Variants in IFFO1 observed in about 807,000 individuals in gnomAD.
The protein encoded by IFFO1 is non-homologous end joining factor IFFO1.
Under a neutral mutation model 59.6 loss-of-function variants are expected in IFFO1, and 42 were observed. The observed-to-expected ratio is 0.70, with a 90% CI of 0.55 to 0.91. The LOEUF (loss-of-function observed/expected upper bound fraction) is 0.91. IFFO1 is among the 40% of genes least tolerant of loss of function. IFFO1 has a pLI of 0.00. For missense variants in IFFO1, 711 were observed against 793.2 expected, an observed-to-expected ratio of 0.90 and a Z score of 1.24; for synonymous variants, 336 against 342.8, an observed-to-expected ratio of 0.98 and a Z score of 0.22.
chr12:6,544,399 C>A (rs1475939193), intron 8 of IFFO1, among the ~76,000 whole-genome samples: 3 of 152,172 alleles, frequency 2.0e-5, no homozygotes, highest in African/African-American at 7.2e-5. Flanking sequence ...ACACTCCTGA[C>A]CTCAAGTGAT....
Position 6,555,910 on chromosome 12 carries a change from C to T in IFFO1, c.120G>A (p.Pro40=), listed in dbSNP as rs1270150322. 7 of 1,553,570 alleles carry T rather than the reference C, an allele frequency of 4.5e-6. No individual in the cohort carries two copies. The highest frequency in any genetic ancestry group is 3.5e-5 in the South Asian group (3 of 86,340). ...CAGGGCCGGCCGGCGAGAGAGGCGC[C>T]GGGGGCAAGTCTCCTCCCCCGGCGA... The part of the protein sequence containing the change: ...DHFAGGGDLP[P]APLSPAGPAA... Residue 40 remains proline (P), a synonymous_variant, in exon 1 of 10, where the codon CCG becomes CCA. Transcript: ENST00000619571. The surrounding 1 kb of genome is among the most constrained non-coding windows in gnomAD (Gnocchi z 8.6).
At position 6,548,944 on chromosome 12, in the gene IFFO1, A is replaced by G. The variant is rs1947105240; in HGVS notation, c.1081-95T>C. The G allele has an allele frequency of 1.0e-6, 1 of 992,036 alleles. No homozygotes were observed. Among genetic ancestry groups the G allele is most frequent in the Non-Finnish European group, 1.5e-6 (1 of 673,812 alleles). 61.5% of individuals were successfully genotyped at this position (992,036 alleles called of 1,614,324 possible). A position where few individuals can be genotyped will look rare whatever the true frequency, so the allele number is the denominator to read the frequency against. On this transcript the variant is annotated intron_variant, in intron 5 of 9. Coordinates refer to ENST00000619571, the MANE Select transcript of IFFO1 (RefSeq NM_001193457.2). The surrounding 1 kb of genome is among the most constrained non-coding windows in gnomAD (Gnocchi z 6.1). The stretch of plus-strand genomic sequence containing the variant: ...TGGGGGAGAAGCATGAACCAGTAGG[A>G]AGGGGGGGCAGACAGAGAGAAAAGT...
Position 6,548,290 on chromosome 12 carries a change from G to T in IFFO1, c.1384-130C>A. On this transcript the variant is annotated intron_variant, in intron 7 of 9. Coordinates refer to ENST00000619571, the MANE Select transcript of IFFO1 (RefSeq NM_001193457.2). The surrounding 1 kb of genome is among the most constrained non-coding windows in gnomAD (Gnocchi z 6.1). ...AGAAACTGGAGAAAGAAAAGCAAAA[G>T]GATAAAGGAAGAGGGGAGACGCAGG... 1 of 1,338,740 alleles carries T rather than the reference G, an allele frequency of 7.5e-7. No homozygotes were observed. 82.9% of individuals were successfully genotyped at this position (1,338,740 alleles called of 1,614,324 possible).
intron 8 of IFFO1, among the ~76,000 whole-genome samples, chr12:6,545,248 G>T (rs934639090): frequency 1.3e-5 from 2 of 151,940 alleles, no homozygotes; most frequent in Non-Finnish European, 2.9e-5. Context: ...TAAATGAAAA[G>T]AATAAAGTCA....
chr12:6,547,075 T>C (rs1946999664), intron 8 of IFFO1, among the ~76,000 whole-genome samples: 1 of 152,124 alleles, frequency 6.6e-6, no homozygotes, highest in Non-Finnish European at 1.5e-5. Flanking sequence ...TCTGATCTTC[T>C]AAACAACCCT....
At position 6,548,405 on chromosome 12, in the gene IFFO1, A is replaced by T; in HGVS notation, c.1383+20T>A. On this transcript the variant is annotated intron_variant, in intron 7 of 9. Transcript: ENST00000619571. This position sits in a 1 kb window ranked among gnomAD's most constrained non-coding sequence, Gnocchi z 6.1. The stretch of plus-strand genomic sequence containing the variant: ...GGAGAGGCAGAGCCAGAGGGCCCTG[A>T]GGCCGGGAGCAGAGGTTACCTCTCC... The T allele has an allele frequency of 6.3e-7, 1 of 1,594,542 alleles. No homozygotes were observed. The highest frequency in any genetic ancestry group is 1.1e-5 in the South Asian group (1 of 87,484).
chr12:6,547,582 A>G (rs1947020880), intron 8 of IFFO1, among the ~76,000 whole-genome samples: 1 of 151,776 alleles, frequency 6.6e-6, no homozygotes, highest in East Asian at 1.9e-4. Flanking sequence ...TTAGCTGGGT[A>G]TGGTGGCACA....
At chr12:6,547,880 A>C (rs1447276527) in intron 8 of IFFO1, among the ~76,000 whole-genome samples, 185 bp downstream of exon 8, 2 of 152,144 alleles carry the variant, frequency 1.3e-5, no homozygotes, top group Admixed American at 1.3e-4. Context: ...ATTTGAACCG[A>C]TATCTGTCTG....
rs1458368746 is a variant in IFFO1, at chr12:6,541,583, C to T, written c.1539G>A (p.Met513Ile). 6.8e-6 allele frequency: 11 copies of T among 1,614,244 alleles called. No individual in the cohort carries two copies. The highest frequency in any genetic ancestry group is 1.1e-5 in the South Asian group (1 of 91,090). The change falls in exon 9 of 10, where the codon ATG (methionine) becomes ATA (isoleucine). Residue 513 changes from methionine to isoleucine, a missense_variant. Physicochemically the swap from Met to Ile is conservative, Grantham distance 10. Transcript: ENST00000619571. The surrounding 1 kb of genome is among the most constrained non-coding windows in gnomAD (Gnocchi z 4.8). ...CGTCCAGGCCGCGCTTCATGCTGCA[C>T]ATCTCCATGTACTCGTGCAGGTGCC... ...MNRHLHEYME[M>I]CSMKRGLDVQ...
intron 8 of IFFO1, 83 bp downstream of exon 8, chr12:6,547,979 TGCA>T: frequency 1.0e-6 from 1 of 971,882 alleles, no homozygotes; most frequent in Non-Finnish European, 1.7e-6. Context: ...TCTAGGGTCC[TGCA>T]GCAGGGATGA....
chr12:6,547,739 A>G (rs1487940367), intron 8 of IFFO1, among the ~76,000 whole-genome samples: 2 of 145,316 alleles, frequency 1.4e-5, no homozygotes, highest in Non-Finnish European at 3.0e-5. Context: ...GGGGGAGGGG[A>G]AGAGAGAGAG....
chr12:6,550,633 G>T, intron 3 of IFFO1, 62 bp downstream of exon 3: 1 of 1,294,774 alleles, frequency 7.7e-7, no homozygotes, highest in Non-Finnish European at 1.1e-6. Flanking sequence ...CACTAGAAGG[G>T]CCTACTCTTC....
In IFFO1 at chr12:6,550,943, C is replaced by G; in HGVS notation, c.832G>C (p.Glu278Gln). 1 of 1,614,170 alleles carries G rather than the reference C, an allele frequency of 6.2e-7. No homozygotes were observed. The highest frequency in any genetic ancestry group is 8.5e-7 in the Non-Finnish European group (1 of 1,180,002). Reference protein sequence around the residue: ...QLQDRVNELQEEAQEADACQE... With the variant: ...QLQDRVNELQQEAQEADACQE... The stretch of plus-strand genomic sequence containing the variant: ...AGCAAGTGGGGCGCCACCCTCACCT[C>G]CTGGAGCTCATTTACACGGTCTTGC... The change falls in exon 2 of 10, where the codon GAG (glutamate) becomes CAG (glutamine). Residue 278 changes from glutamate (E) to glutamine (Q), a missense_variant and splice_region_variant. Physicochemically the swap from Glu to Gln is conservative, Grantham distance 29. This residue lies in a region of IFFO1 where 579 missense variants were observed against 650.3 expected (regional missense o/e 0.89). Coordinates refer to ENST00000619571, the MANE Select transcript of IFFO1 (RefSeq NM_001193457.2).
chr12:6,547,801 A>G (rs1947036472), intron 8 of IFFO1, among the ~76,000 whole-genome samples: 1 of 151,850 alleles, frequency 6.6e-6, no homozygotes, highest in South Asian at 2.1e-4. Flanking sequence ...AAAGGAAAGG[A>G]AAGGAGGGGC....
intron 3 of IFFO1, 173 bp downstream of exon 3, chr12:6,550,522 T>G: frequency 1.7e-6 from 1 of 595,692 alleles, no homozygotes; most frequent in Non-Finnish European, 3.0e-6. Flanking sequence ...CACCGAGACT[T>G]TTGTTGCTTG....
chr12:6,555,116 A>T lies in IFFO1; in HGVS notation c.773+141T>A, dbSNP rs563989383. ...GCGGATTCTAGTCTCCCTGCATCCA[A>T]TTGCTTCCAAGCTCCTCATTACACA... On this transcript the variant is annotated intron_variant, in intron 1 of 9. Transcript: ENST00000619571. The surrounding 1 kb of genome is among the most constrained non-coding windows in gnomAD (Gnocchi z 8.6). 8.7e-5 allele frequency: 72 copies of T among 831,690 alleles called. No individual in the cohort carries two copies. The highest frequency in any genetic ancestry group is 4.4e-5 in the South Asian group (3 of 68,482). The allele number at this position is 831,690 out of a possible 1,614,324, so 51.5% of individuals were successfully genotyped here. A position where few individuals can be genotyped will look rare whatever the true frequency, so the allele number is the denominator to read the frequency against.
chr12:6,548,677 A>G lies in IFFO1; in HGVS notation c.1253T>C (p.Leu418Pro). The G allele has an allele frequency of 6.2e-7, 1 of 1,614,032 alleles. No individual in the cohort carries two copies. Among genetic ancestry groups the G allele is most frequent in the South Asian group, 1.1e-5 (1 of 91,082 alleles). The change falls in exon 6 of 10, where the codon CTC (leucine) becomes CCC (proline). Residue 418 changes from leucine to proline, a missense_variant. By Grantham distance (98) the Leu-to-Pro change is moderately conservative. Transcript: ENST00000619571. This position sits in a 1 kb window ranked among gnomAD's most constrained non-coding sequence, Gnocchi z 6.1. ...LSINEEMQRMLNQLREYDFED... is the reference protein window; with the variant it reads ...LSINEEMQRMPNQLREYDFED... ...CGGCCTGCGGACTCACAGCTGGTTG[A>G]GCATGCGCTGCATCTCCTCGTTGAT...
Position 6,548,823 on chromosome 12 carries a change from G to A in IFFO1, c.1107C>T (p.Val369=). ...KLSLHLSPIK[V]PSMGGRKRER... Reference sequence around the variant, plus strand: ...CCCGCTTCCGCCCCCCCATGGATGGGACCTTAATGGGAGACAAGTGCAGAG... The same window carrying A: ...CCCGCTTCCGCCCCCCCATGGATGGAACCTTAATGGGAGACAAGTGCAGAG... The change falls in exon 6 of 10, where the codon GTC becomes GTT. Residue 369 remains valine, a synonymous_variant. Coordinates refer to ENST00000619571, the MANE Select transcript of IFFO1 (RefSeq NM_001193457.2). The surrounding 1 kb of genome is among the most constrained non-coding windows in gnomAD (Gnocchi z 6.1). 1 of 1,612,598 alleles carries A rather than the reference G, an allele frequency of 6.2e-7. No homozygotes were observed. Among genetic ancestry groups the A allele is most frequent in the Non-Finnish European group, 8.5e-7 (1 of 1,179,446 alleles).
chr12:6,543,467 C>T (rs1946810234), intron 8 of IFFO1: 1 of 152,224 alleles, frequency 6.6e-6, no homozygotes, highest in Non-Finnish European at 1.5e-5. Context: ...GATCCTGAAC[C>T]CTACCTTACG....
Sources: gnomAD v4.1 joint callset for allele counts (sites outside exome capture counted in the v4.1 genomes callset) on GRCh38, gnomAD v4.1.1 for gene constraint, gnomAD v4.1.1 regional missense constraint, Gnocchi (gnomAD v3.1) non-coding constraint, MANE v1.5 for transcripts, NCBI Gene and HGNC (gene_info 2026-07-23, HGNC 2026-07-21) for gene names.